The following KCNH6 variants were observed in gnomAD, a reference collection of about 807,000 sequenced individuals.
KCNH6 encodes voltage-gated inwardly rectifying potassium channel KCNH6.
In KCNH6, 81 loss-of-function variants were observed where a neutral mutation model predicts 83.4. The observed-to-expected ratio is 0.97, with a 90% CI of 0.81 to 1.17. The LOEUF is 1.17. Ranked by LOEUF, KCNH6 falls within the 50% of genes most tolerant of loss-of-function variation. KCNH6 has a pLI of 0.00. For synonymous variants in KCNH6, 503 were observed against 545.6 expected, an observed-to-expected ratio of 0.92 and a Z score of 1.09; for missense variants, 1,203 against 1,290.5, an observed-to-expected ratio of 0.93 and a Z score of 1.04.
rs76485669 is a variant in KCNH6 at position 63,532,683 on chromosome 17, A to G, written c.676-1203A>G. On this transcript the variant is annotated intron_variant, in intron 4 of 12. Transcript: ENST00000314672. The stretch of plus-strand genomic sequence containing the variant: ...AATGGATCTGCCTTACTGTGATCCC[A>G]TCTGCTAATTGATTTGGTTTGCAAG... 9.0e-3 allele frequency among the ~76,000 whole-genome samples: 1,374 copies of G among 152,340 alleles called. 29 individuals carry two copies. Among genetic ancestry groups the G allele is most frequent in the African/African-American group, 0.031 (1,273 of 41,566 alleles).
intron 8 of KCNH6, among the ~76,000 whole-genome samples, chr17:63,539,727 T>C (rs1214631901): frequency 6.6e-6 from 1 of 152,194 alleles, no homozygotes; most frequent in Non-Finnish European, 1.5e-5. Context: ...TCCCTGTCCC[T>C]GCCTGGATCC....
chr17:63,535,727 C>T lies in KCNH6; in HGVS notation c.1160C>T (p.Ala387Val). ...CGGCTGCTGCGGCTGGTGCGCGTAG[C>T]ACGGAAGCTGGACCGCTACTCTGAG... ...TARLLRLVRV[A>V]RKLDRYSEYG... Residue 387 changes from alanine (A) to valine (V), a missense_variant, in exon 6 of 13, where the codon GCA becomes GTA. Coordinates refer to ENST00000314672, the MANE Select transcript of KCNH6 (RefSeq NM_001278919.2). The surrounding 1 kb of genome is among the most constrained non-coding windows in gnomAD (Gnocchi z 4.9). 1 of 1,613,698 alleles carries T rather than the reference C, an allele frequency of 6.2e-7. No individual in the cohort carries two copies. The highest frequency in any genetic ancestry group is 8.5e-7 in the Non-Finnish European group (1 of 1,179,952).
chr17:63,542,632 G>A (rs559331999), intron 9 of KCNH6, among the ~76,000 whole-genome samples, 198 bp downstream of exon 9: 9 of 152,330 alleles, frequency 5.9e-5, no homozygotes, highest in African/African-American at 2.2e-4. Flanking sequence ...GGGTGCTAAG[G>A]GTGGGGCTTC....
chr17:63,526,408 T>G (rs2031715898), intron 2 of KCNH6, among the ~76,000 whole-genome samples: 1 of 131,042 alleles, frequency 7.6e-6, no homozygotes, highest in Admixed American at 8.0e-5. Flanking sequence ...TTTTTTTTTT[T>G]TGAGACAGGG....
In KCNH6 at chr17:63,535,194, C is replaced by T. The variant is rs1315752572; in HGVS notation, c.1102-475C>T. Among the ~76,000 whole-genome samples, 1 of 152,226 alleles carries T rather than the reference C, an allele frequency of 6.6e-6. No homozygotes were observed. Among genetic ancestry groups the T allele is most frequent in the Non-Finnish European group, 1.5e-5 (1 of 68,034 alleles). On this transcript the variant is annotated intron_variant, in intron 5 of 12. Transcript: ENST00000314672. The surrounding 1 kb of genome is among the most constrained non-coding windows in gnomAD (Gnocchi z 4.9). ...GGCAGCAGCCCCTGCCCGCCCTGCC[C>T]TTCCCAGGCACGGCTCTCACTGCTC... is the stretch of plus-strand genomic sequence containing the variant.
chr17:63,536,955 A>G (rs1363260470), intron 6 of KCNH6, among the ~76,000 whole-genome samples: 1 of 147,970 alleles, frequency 6.8e-6, no homozygotes, highest in Admixed American at 6.7e-5. Flanking sequence ...TCCGTCTCAA[A>G]AAAAAAAAAA....
In KCNH6 at chr17:63,542,372, A is replaced by G. The variant is rs1209147467; in HGVS notation, c.2086A>G (p.Met696Val). ...QRADLLEVLD[M>V]YPAFAESFWS... is the part of the protein sequence containing the mutation. ...GGCAGATCTGCTGGAGGTGCTGGAC[A>G]TGTACCCGGCCTTTGCGGAGAGCTT... The change falls in exon 9 of 13, where the codon ATG becomes GTG. Residue 696 changes from methionine to valine, a missense_variant. Coordinates refer to ENST00000314672, the MANE Select transcript of KCNH6 (RefSeq NM_001278919.2). 6.2e-7 allele frequency: 1 copy of G among 1,614,168 alleles called. No homozygotes were observed. Among genetic ancestry groups the G allele is most frequent in the South Asian group, 1.1e-5 (1 of 91,092 alleles).
rs765633107 is a variant in KCNH6, at chr17:63,545,109, C to A, written c.2428C>A (p.Arg810Ser). 1 of 1,613,636 alleles carries A rather than the reference C, an allele frequency of 6.2e-7. No individual in the cohort carries two copies. Among genetic ancestry groups the A allele is most frequent in the Non-Finnish European group, 8.5e-7 (1 of 1,180,014 alleles). Residue 810 changes from arginine (R) to serine (S), a missense_variant, in exon 12 of 13, where the codon CGC becomes AGC. Transcript: ENST00000314672. The stretch of plus-strand genomic sequence containing the variant: ...GTCCCGCGTGTCCTCAGACCTCAGC[C>A]GCATCTTGCAGCTCCTCCAGAAGCC... Reference protein sequence around the residue: ...LESRVSSDLSRILQLLQKPMP... With the variant: ...LESRVSSDLSSILQLLQKPMP...
rs1389746345 is a variant in KCNH6 at position 63,524,259 on chromosome 17, G to C, written c.197G>C (p.Cys66Ser). 8.7e-6 allele frequency: 14 copies of C among 1,613,966 alleles called. No homozygotes were observed. Among genetic ancestry groups the C allele is most frequent in the Non-Finnish European group, 1.1e-5 (13 of 1,180,052 alleles). ...RVEVMQQPCTCDFLTGPNTPS... is the reference protein window; with the variant it reads ...RVEVMQQPCTSDFLTGPNTPS... ...GAGGTGATGCAGCAACCCTGCACCT[G>C]CGACTTCCTCACAGGCCCCAACACA... Residue 66 changes from cysteine (C) to serine (S), a missense_variant, in exon 2 of 13, where the codon TGC (cysteine) becomes TCC (serine). Coordinates refer to ENST00000314672, the MANE Select transcript of KCNH6 (RefSeq NM_001278919.2).
intron 2 of KCNH6, among the ~76,000 whole-genome samples, chr17:63,525,919 T>A (rs1313355947): frequency 6.6e-6 from 1 of 152,192 alleles, no homozygotes; most frequent in Non-Finnish European, 1.5e-5. Context: ...AAATGGGGGT[T>A]ACAGCAGGTC....
Position 63,536,588 on chromosome 17 carries a change from G to A in KCNH6, c.1501+520G>A, listed in dbSNP as rs2032511898. Among the ~76,000 whole-genome samples, 3 of 151,094 alleles carry A rather than the reference G, an allele frequency of 2.0e-5. No homozygotes were observed. The South Asian group carries it at 6.3e-4, about 32-fold the overall frequency. ...GAACCTGGGAGGTGGAGGTTGCAGT[G>A]AGCCAAGATCGTGCCACTGCACTTC... On this transcript the variant is annotated intron_variant, in intron 6 of 12. Coordinates refer to ENST00000314672, the MANE Select transcript of KCNH6 (RefSeq NM_001278919.2).
rs761920708 is a variant in KCNH6 at position 63,543,582 on chromosome 17, G to A, written c.2155G>A (p.Gly719Arg). 9.9e-6 allele frequency: 16 copies of A among 1,609,984 alleles called. No individual in the cohort carries two copies. Among genetic ancestry groups the A allele is most frequent in the African/African-American group, 2.7e-5 (2 of 74,790 alleles). The stretch of plus-strand genomic sequence containing the variant: ...CCCTCTTGCTTCCCATAAGGCAGCC[G>A]GGGGTCTCCACTCATCCCCCCGACA... ...EVTFNLRDAA[G>R]GLHSSPRQAP... is the part of the protein sequence containing the mutation. The change falls in exon 10 of 13, where the codon GGG (glycine) becomes AGG (arginine). Residue 719 changes from glycine to arginine, a missense_variant. Transcript: ENST00000314672.
rs919443638 is a variant in KCNH6, at chr17:63,528,654, C to T, written c.308-1437C>T. Among the ~76,000 whole-genome samples the T allele has an allele frequency of 4.5e-4, 68 of 152,310 alleles. 4 individuals are homozygous for T. Among genetic ancestry groups the T allele is most frequent in the Non-Finnish European group, 7.3e-5 (5 of 68,036 alleles). Reference sequence around the variant, plus strand: ...GACAGGTGAAACAGAGCCTAACCTGCCCTCAGGGAGTGCAGCTCTGCCTTC... The same window carrying T: ...GACAGGTGAAACAGAGCCTAACCTGTCCTCAGGGAGTGCAGCTCTGCCTTC... On this transcript the variant is annotated intron_variant, in intron 2 of 12. Coordinates refer to ENST00000314672, the MANE Select transcript of KCNH6 (RefSeq NM_001278919.2).
chr17:63,524,997 C>G (rs1335140469), intron 2 of KCNH6, among the ~76,000 whole-genome samples: 1 of 152,202 alleles, frequency 6.6e-6, no homozygotes, highest in Non-Finnish European at 1.5e-5. Flanking sequence ...CCCAGGACCA[C>G]AGGGTCCTCA....
At chr17:63,525,628 CTGTG>C (rs149604056) in intron 2 of KCNH6, among the ~76,000 whole-genome samples, 1 of 151,662 alleles carries the variant, frequency 6.6e-6, no homozygotes, top group Admixed American at 6.6e-5. Context: ...AAGTTCACGC[CTGTG>C]TGTGTGTGTT....
rs753609668 is a variant in KCNH6, at chr17:63,538,288, T to C, written c.1701+24T>C. The C allele has an allele frequency of 1.3e-6, 2 of 1,567,342 alleles. No homozygotes were observed. The highest frequency in any genetic ancestry group is 1.7e-6 in the Non-Finnish European group (2 of 1,160,564). ...CGGTGAGCCCCGCCGCTCCGGCTAA[T>C]GCCCCGGGCGTGGGGGGGAGCCAAG... On this transcript the variant is annotated intron_variant, in intron 7 of 12. Transcript: ENST00000314672. This position sits in a 1 kb window ranked among gnomAD's most constrained non-coding sequence, Gnocchi z 4.0.
downstream of KCNH6, among the ~76,000 whole-genome samples, chr17:63,547,794 T>G (rs922578728): frequency 1.3e-5 from 2 of 150,900 alleles, no homozygotes; most frequent in Non-Finnish European, 3.0e-5. Context: ...ACAAAACAAT[T>G]TTTTTTTAAT....
chr17:63,546,964 C>T (rs968676428), downstream of KCNH6, among the ~76,000 whole-genome samples: 6 of 152,164 alleles, frequency 3.9e-5, no homozygotes, highest in Admixed American at 1.3e-4. Flanking sequence ...GCCAACACTT[C>T]GGTAGCACTC....
Position 63,530,562 on chromosome 17 carries a change from G to T in KCNH6, c.675+20G>T. On this transcript the variant is annotated intron_variant, in intron 4 of 12. Coordinates refer to ENST00000314672, the MANE Select transcript of KCNH6 (RefSeq NM_001278919.2). ...ACCCAGGTGCGGGCCTGCAGAGCAG[G>T]GTGTGCAGAGCTGTGCCAGGCCTCC... 1 of 1,612,162 alleles carries T rather than the reference G, an allele frequency of 6.2e-7. No individual in the cohort carries two copies. Among genetic ancestry groups the T allele is most frequent in the South Asian group, 1.1e-5 (1 of 90,952 alleles).
Sources: allele counts gnomAD v4.1 joint callset (sites outside exome capture counted in the v4.1 genomes callset), GRCh38; gene constraint gnomAD v4.1.1; non-coding constraint Gnocchi (gnomAD v3.1); transcripts MANE v1.5; gene names NCBI Gene and HGNC (gene_info 2026-07-23, HGNC 2026-07-21).